The following SH3GLB2 variants were observed in gnomAD, a reference collection of about 807,000 sequenced individuals.
SH3GLB2 encodes the protein endophilin-B2.
Under a neutral mutation model 48.0 loss-of-function variants are expected in SH3GLB2, and 24 were observed. The observed-to-expected ratio is 0.50, with a 90% CI of 0.36 to 0.70. The LOEUF (loss-of-function observed/expected upper bound fraction) is 0.70, where lower values mean the gene tolerates loss of function less well. SH3GLB2 is among the 30% of genes least tolerant of loss of function. The pLI, the probability that SH3GLB2 is intolerant of heterozygous loss-of-function variation, is 0.00. For synonymous variants in SH3GLB2, 227 were observed against 207.6 expected (o/e 1.09, Z -0.80); for missense variants, 425 against 516.0 (o/e 0.82, Z 1.71).
intron 5 of SH3GLB2, chr9:129,012,989 G>T (rs546943197): frequency 3.9e-6 from 6 of 1,550,942 alleles, no homozygotes; most frequent in Non-Finnish European, 4.4e-6. Context: ...AGCACAGCGC[G>T]TGGGACAGGT....
intron 3 of SH3GLB2, chr9:129,015,740 C>T: frequency 4.6e-6 from 1 of 218,612 alleles, no homozygotes; most frequent in East Asian, 1.5e-4. Context: ...TGGCTCACAC[C>T]TGTAATCCCA....
chr9:129,021,258 G>A, intron 2 of SH3GLB2, 39 bp from the exon 3 acceptor site: 2 of 1,558,856 alleles, frequency 1.3e-6, no homozygotes, highest in Non-Finnish European at 1.7e-6. Flanking sequence ...GGGCTCCTTA[G>A]TTCAAGCCCA....
chr9:129,020,742 C>T (rs1168769526), intron 3 of SH3GLB2, among the ~76,000 whole-genome samples: 8 of 151,728 alleles, frequency 5.3e-5, no homozygotes, highest in Non-Finnish European at 1.0e-4. Flanking sequence ...TGGTCACGGG[C>T]GCCTGTAGTC....
chr9:129,021,216 G>A lies in SH3GLB2; in HGVS notation c.209C>T (p.Ala70Val). 2.5e-6 allele frequency: 4 copies of A among 1,604,656 alleles called. No individual in the cohort carries two copies. The highest frequency in any genetic ancestry group is 1.1e-5 in the South Asian group (1 of 89,942). ...TEVLLQPNPS[A>V]RVEEFLYEKL... ...CTCATACAGGAACTCCTCCACTCGG[G>A]CACCTGTGGGGAGACAGCAGCCAAA... Residue 70 changes from alanine to valine, a missense_variant, in exon 3 of 11, where the codon GCC (alanine) becomes GTC (valine). By Grantham distance (64) the Ala-to-Val change is moderately conservative (BLOSUM62 0). Transcript: ENST00000372564.
intron 3 of SH3GLB2, among the ~76,000 whole-genome samples, chr9:129,020,144 T>A (rs1843691799): frequency 1.6e-5 from 2 of 128,412 alleles, no homozygotes; most frequent in Admixed American, 2.0e-4. Context: ...AGGCGGAGGT[T>A]GCAGTGAGCT....
At chr9:129,012,341 G>T in intron 5 of SH3GLB2, 43 bp from the exon 6 acceptor site, 1 of 1,215,520 alleles carries the variant, frequency 8.2e-7, no homozygotes, top group Non-Finnish European at 1.1e-6. Flanking sequence ...GTCACCCTGG[G>T]CCAGGGCCAG....
At chr9:129,015,218 C>T (rs1843353764) in intron 3 of SH3GLB2, among the ~76,000 whole-genome samples, 1 of 152,206 alleles carries the variant, frequency 6.6e-6, no homozygotes, top group Admixed American at 6.5e-5. Flanking sequence ...GACACCACGC[C>T]AGGTGCGGTG....
chr9:129,024,839 A>G (rs192221887), intron 1 of SH3GLB2, among the ~76,000 whole-genome samples: 15 of 149,734 alleles, frequency 1.0e-4, no homozygotes, highest in Admixed American at 4.0e-4. Context: ...GCGTGGTGGC[A>G]GGCGCCTGTA....
chr9:129,025,577 A>C (rs1844103366), intron 1 of SH3GLB2, among the ~76,000 whole-genome samples: 1 of 74,064 alleles, frequency 1.4e-5, no homozygotes, highest in African/African-American at 4.4e-5. Flanking sequence ...AAAAAAAAAA[A>C]GGAAGGAAAG....
chr9:129,016,639 C>G (rs1264672255), intron 3 of SH3GLB2, among the ~76,000 whole-genome samples: 1 of 143,982 alleles, frequency 6.9e-6, no homozygotes, highest in Admixed American at 7.0e-5. Flanking sequence ...GCCTGGGTGA[C>G]AGAAAAAAAA....
At chr9:129,009,913 C>A (rs376774105) in intron 8 of SH3GLB2, 42 bp from the exon 9 acceptor site, 2 of 1,575,306 alleles carry the variant, frequency 1.3e-6, no homozygotes, top group South Asian at 1.1e-5. Flanking sequence ...ACCTCCCGCC[C>A]TCAGAACAAA....
In SH3GLB2 at chr9:129,021,146, C is replaced by T; in HGVS notation, c.279G>A (p.Leu93=). The T allele has an allele frequency of 6.2e-7, 1 of 1,612,440 alleles. No individual in the cohort carries two copies. The highest frequency in any genetic ancestry group is 8.5e-7 in the Non-Finnish European group (1 of 1,179,732). ...CCGCGTCTGCCATGTACTGAGCCAG[C>T]AGCTCCCCGTTGGTGACCCTTGAGG... ...KVPSRVTNGE[L]LAQYMADAAS... The change falls in exon 3 of 11, where the codon CTG becomes CTA. Residue 93 remains leucine, a synonymous_variant. Coordinates refer to ENST00000372564, the MANE Select transcript of SH3GLB2 (RefSeq NM_020145.4).
chr9:129,013,901 G>GATCTC, intron 5 of SH3GLB2: 1 of 382,782 alleles, frequency 2.6e-6, no homozygotes, highest in South Asian at 1.9e-5. Flanking sequence ...TGGGAGTGAA[G>GATCTC]GGGGCGCCAG....
In SH3GLB2 at chr9:129,014,002, T is replaced by G. The variant is rs1029655993; in HGVS notation, c.561+409A>C. On this transcript the variant is annotated intron_variant, in intron 5 of 10. Transcript: ENST00000372564. The surrounding 1 kb of genome is among the most constrained non-coding windows in gnomAD (Gnocchi z 4.1). The stretch of plus-strand genomic sequence containing the variant: ...AGCTCCCAGGTTTTCCACACCATCG[T>G]GGGGGCGCCTGAGCACAGGGACCCT... The G allele has an allele frequency of 4.3e-6, 2 of 465,738 alleles. No individual in the cohort carries two copies. Among genetic ancestry groups the G allele is most frequent in the African/African-American group, 4.0e-5 (2 of 50,478 alleles). 28.9% of individuals were successfully genotyped at this position (465,738 alleles called of 1,614,324 possible). A position where few individuals can be genotyped will look rare whatever the true frequency, so the allele number is the denominator to read the frequency against.
chr9:129,014,949 G>C lies in SH3GLB2; in HGVS notation c.335-45C>G. On this transcript the variant is annotated intron_variant, in intron 3 of 10. Coordinates refer to ENST00000372564, the MANE Select transcript of SH3GLB2 (RefSeq NM_020145.4). This position sits in a 1 kb window ranked among gnomAD's most constrained non-coding sequence, Gnocchi z 4.1. ...GCGTGAGGAAGAAGGTCAGGCTCAG[G>C]CTACTCTGATCTACAGGAGAGGGCT... 6.3e-7 allele frequency: 1 copy of C among 1,597,246 alleles called. No individual in the cohort carries two copies. Among genetic ancestry groups the C allele is most frequent in the South Asian group, 1.1e-5 (1 of 88,112 alleles).
Position 129,028,312 on chromosome 9 carries a change from GA to G in SH3GLB2, c.-159del, listed in dbSNP as rs1320218174. 1.6e-5 allele frequency: 5 copies of G among 309,494 alleles called. No homozygotes were observed. The highest frequency in any genetic ancestry group is 2.3e-5 in the Non-Finnish European group (5 of 215,324). 19.2% of individuals were successfully genotyped at this position (309,494 alleles called of 1,614,324 possible). On this transcript the variant is annotated 5_prime_UTR_variant, in exon 1 of 11. Coordinates refer to ENST00000372564, the MANE Select transcript of SH3GLB2 (RefSeq NM_020145.4). ...CGCCTGCCCGCCCGCCGCAGCCGCC[GA>G]GCCAGCCCGAGCGCGCAGGGCGGGG...
intron 1 of SH3GLB2, among the ~76,000 whole-genome samples, chr9:129,025,882 G>A (rs1195230968): frequency 2.0e-5 from 3 of 151,412 alleles, no homozygotes; most frequent in African/African-American, 7.3e-5. Context: ...GCTCCATGAT[G>A]ACGATGCCAC....
intron 3 of SH3GLB2, among the ~76,000 whole-genome samples, chr9:129,020,546 G>A (rs1843722005): frequency 6.7e-6 from 1 of 149,232 alleles, no homozygotes; most frequent in Admixed American, 6.7e-5. Context: ...ACTCCAGCCT[G>A]GGTGATGGAG....
In SH3GLB2 at chr9:129,009,138, C is replaced by T. The variant is rs1219011866; in HGVS notation, c.1048G>A (p.Asp350Asn). Residue 350 changes from aspartate to asparagine, a missense_variant, in exon 10 of 11, where the codon GAC (aspartate) becomes AAC (asparagine). Transcript: ENST00000372564. Reference protein sequence around the residue: ...ARVLYDYEAADSSELALLADE... With the variant: ...ARVLYDYEAANSSELALLADE... The stretch of plus-strand genomic sequence containing the variant: ...GCCAGCAGGGCCAGCTCACTGCTGT[C>T]GGCTGCCTCGTAGTCATAGAGCACC... 9.3e-6 allele frequency: 15 copies of T among 1,610,482 alleles called. No homozygotes were observed. The highest frequency in any genetic ancestry group is 1.6e-4 in the Middle Eastern group (1 of 6,078).
Sources: gnomAD v4.1 joint callset for allele counts (sites outside exome capture counted in the v4.1 genomes callset) on GRCh38, gnomAD v4.1.1 for gene constraint, Gnocchi (gnomAD v3.1) non-coding constraint, MANE v1.5 for transcripts, NCBI Gene and HGNC (gene_info 2026-07-23, HGNC 2026-07-21) for gene names.